The following NEBL variants were observed in gnomAD, a reference collection of about 807,000 sequenced individuals.
The protein encoded by NEBL is LIM and SH3 protein 2.
Under a neutral mutation model 140.2 loss-of-function variants are expected in NEBL, and 122 were observed. The ratio of observed to expected loss-of-function variants is 0.87; its 90% CI spans 0.75 to 1.01. The LOEUF is 1.01. Among genes scored for constraint, NEBL ranks in the 50% least tolerant of loss-of-function variants. The probability of loss-of-function intolerance (pLI) is 0.00; values close to 1 mark genes in which losing one functional copy is unlikely to be tolerated. For missense variants in NEBL, 1,365 were observed against 1,231.3 expected (o/e 1.11, Z -1.62); for synonymous variants, 436 against 398.9 (o/e 1.09, Z -1.11).
intron 3 of NEBL, among the ~76,000 whole-genome samples, chr10:21,229,853 G>A (rs1029304836): frequency 6.6e-6 from 1 of 152,196 alleles, no homozygotes; most frequent in African/African-American, 2.4e-5. Context: ...GAACTGACCT[G>A]GTAAACCTCA....
At chr10:21,044,227 T>C (rs1445589305) in intron 2 of NEBL, among the ~76,000 whole-genome samples, 1 of 151,646 alleles carries the variant, frequency 6.6e-6, no homozygotes, top group Non-Finnish European at 1.5e-5. Flanking sequence ...TGAAACCCCA[T>C]CTCTACCGAA....
intron 7 of NEBL, among the ~76,000 whole-genome samples, chr10:20,864,706 C>T (rs1157417105): frequency 3.9e-5 from 6 of 152,056 alleles, no homozygotes; most frequent in Admixed American, 3.9e-4. Context: ...TATTTATGTG[C>T]CTTTATCATT....
At chr10:20,799,745 T>C (rs1446240874) in intron 26 of NEBL, among the ~76,000 whole-genome samples, 2 of 152,142 alleles carry the variant, frequency 1.3e-5, no homozygotes, top group Non-Finnish European at 2.9e-5. Context: ...GTGGCTAAAA[T>C]AGAAACACCA....
intron 2 of NEBL, among the ~76,000 whole-genome samples, chr10:21,119,891 C>T (rs1838452668): frequency 2.0e-5 from 3 of 152,050 alleles, no homozygotes; most frequent in African/African-American, 7.2e-5. Flanking sequence ...AAACAGCTCC[C>T]CAGCCTTTCT....
chr10:21,206,791 TC>T (rs1841832708), intron 3 of NEBL, among the ~76,000 whole-genome samples: 2 of 152,010 alleles, frequency 1.3e-5, no homozygotes, highest in African/African-American at 4.8e-5. Flanking sequence ...GAAGCTGTAT[TC>T]CCACGCCAAT....
At chr10:21,063,365 C>G (rs143350888) in intron 2 of NEBL, among the ~76,000 whole-genome samples, 2 of 152,120 alleles carry the variant, frequency 1.3e-5, no homozygotes, top group African/African-American at 4.8e-5. Context: ...GCTCTAAGTT[C>G]CCAATTAATA....
chr10:21,120,871 T>G (rs1448482338), intron 2 of NEBL, among the ~76,000 whole-genome samples: 1 of 152,080 alleles, frequency 6.6e-6, no homozygotes, highest in African/African-American at 2.4e-5. Context: ...CTATGGTTAA[T>G]CTGGTTCAAA....
At chr10:21,169,049 CAAAAAAAAAAA>C (rs147147865) in intron 2 of NEBL, among the ~76,000 whole-genome samples, 2 of 25,530 alleles carry the variant, frequency 7.8e-5, no homozygotes, top group African/African-American at 2.9e-4. Context: ...ACTCCGTCTA[CAAAAAAAAAAA>C]AAAAAAAATA....
At chr10:20,868,483 C>T (rs957854652) in intron 7 of NEBL, 181 bp downstream of exon 7, 1 of 596,620 alleles carries the variant, frequency 1.7e-6, no homozygotes, top group Admixed American at 3.0e-5. Flanking sequence ...TAAAATTAGA[C>T]TTAATTTTTT....
At chr10:20,984,580 TAC>T (rs2131671801) in intron 3 of NEBL, among the ~76,000 whole-genome samples, 1 of 152,238 alleles carries the variant, frequency 6.6e-6, no homozygotes, top group African/African-American at 2.4e-5. Flanking sequence ...TGGAGCATTC[TAC>T]AAGGCAGAGT....
chr10:20,850,586 T>C, intron 10 of NEBL, 84 bp from the exon 11 acceptor site: 1 of 881,460 alleles, frequency 1.1e-6, no homozygotes, highest in Admixed American at 2.0e-5. Flanking sequence ...TGTTCTAAAC[T>C]AGTCATCTTG....
intron 2 of NEBL, among the ~76,000 whole-genome samples, chr10:21,058,900 C>T (rs1835156699): frequency 6.6e-6 from 1 of 152,114 alleles, no homozygotes; most frequent in African/African-American, 2.4e-5. Flanking sequence ...GGTTTGGCTC[C>T]TACTAATTGT....
At chr10:21,264,384 G>A (rs1842775008) in intron 1 of NEBL, among the ~76,000 whole-genome samples, 1 of 152,140 alleles carries the variant, frequency 6.6e-6, no homozygotes, top group Admixed American at 6.5e-5. Flanking sequence ...GGCATTTGCT[G>A]GGCCTTTGCC....
chr10:21,236,474 A>T (rs1588548085), intron 3 of NEBL, among the ~76,000 whole-genome samples: 1 of 150,656 alleles, frequency 6.6e-6, no homozygotes, highest in Admixed American at 6.7e-5. Context: ...CAGCCTTCCG[A>T]GTAGCTGGGA....
At chr10:20,900,406 G>A (rs1020050810), upstream of NEBL, among the ~76,000 whole-genome samples, 7 of 152,148 alleles carry the variant, frequency 4.6e-5, no homozygotes, top group South Asian at 2.1e-4. Flanking sequence ...GGCTGGGTGC[G>A]CAGTGGCACA....
intron 26 of NEBL, among the ~76,000 whole-genome samples, chr10:20,808,180 T>C (rs1837784553): frequency 2.6e-5 from 4 of 152,078 alleles, no homozygotes; most frequent in African/African-American, 9.7e-5. Flanking sequence ...CTCAAGTTTC[T>C]CCTATGACTG....
chr10:20,836,253 T>C (rs1456172430), intron 13 of NEBL, among the ~76,000 whole-genome samples: 2 of 152,128 alleles, frequency 1.3e-5, no homozygotes, highest in Admixed American at 6.5e-5. Flanking sequence ...GACAGAGTCT[T>C]GCTCTCTCGC....
intron 26 of NEBL, among the ~76,000 whole-genome samples, chr10:20,799,435 C>A (rs527345154): frequency 5.9e-5 from 9 of 152,318 alleles, no homozygotes; most frequent in African/African-American, 2.2e-4. Context: ...GGATTGCAGG[C>A]GTGCCCGGTT....
At chr10:21,105,618 G>T (rs1181324924) in intron 2 of NEBL, among the ~76,000 whole-genome samples, 2 of 152,092 alleles carry the variant, frequency 1.3e-5, no homozygotes, top group African/African-American at 2.4e-5. Context: ...CCAAGTCTTT[G>T]CTATTGTAAA....
Sources: gnomAD v4.1 joint callset for allele counts (sites outside exome capture counted in the v4.1 genomes callset) on GRCh38, gnomAD v4.1.1 for gene constraint, MANE v1.5 for transcripts, NCBI Gene and HGNC (gene_info 2026-07-23, HGNC 2026-07-21) for gene names.